Variants in HS6ST3 observed in about 807,000 individuals in gnomAD.
HS6ST3 encodes heparan sulfate 6-O-sulfotransferase 3.
Under a neutral mutation model 36.7 loss-of-function variants are expected in HS6ST3, and 12 were observed. That is an observed-to-expected ratio of 0.33 (90% CI 0.21 to 0.53). The LOEUF (loss-of-function observed/expected upper bound fraction) is 0.53, where lower values mean the gene tolerates loss of function less well. Ranked by LOEUF, HS6ST3 falls within the 20% of genes least tolerant of loss-of-function variation. The probability of loss-of-function intolerance (pLI) is 0.95; values close to 1 mark genes in which losing one functional copy is unlikely to be tolerated. For missense variants in HS6ST3, 584 were observed against 640.9 expected, an observed-to-expected ratio of 0.91 and a Z score of 0.96; for synonymous variants, 240 against 257.5, an observed-to-expected ratio of 0.93 and a Z score of 0.65.
chr13:96,791,708 G>A (rs1213527206), intron 1 of HS6ST3, among the ~76,000 whole-genome samples: 1 of 151,942 alleles, frequency 6.6e-6, no homozygotes, highest in Non-Finnish European at 1.5e-5. Context: ...TCCTTTGTTT[G>A]CCCTTCTCAT....
chr13:96,417,732 TCA>T (rs1211935095), intron 1 of HS6ST3, among the ~76,000 whole-genome samples: 1,532 of 137,268 alleles, frequency 0.011, 23 homozygotes, highest in African/African-American at 0.036. Context: ...ATAGCTTATT[TCA>T]CACACACACA....
rs1389298795 is a variant in HS6ST3 at position 96,091,171 on chromosome 13, AGAG to A, written c.318_320del (p.Glu107del). 6.5e-7 allele frequency: 1 copy of A among 1,547,172 alleles called. No homozygotes were observed. Among genetic ancestry groups the A allele is most frequent in the African/African-American group, 1.4e-5 (1 of 72,844 alleles). On this transcript the variant is annotated inframe_deletion, in exon 1 of 2. Coordinates refer to ENST00000376705, the MANE Select transcript of HS6ST3 (RefSeq NM_153456.4). ...CCGGAGACCCCCGGGAGGGGGAGGAAGAGGAGGAGGAAGACGAGCCGGACCCCG... is the reference window on the plus strand; with the variant it reads ...CCGGAGACCCCCGGGAGGGGGAGGAAGAGGAGGAAGACGAGCCGGACCCCG...
chr13:96,746,005 TA>T (rs917436286), intron 1 of HS6ST3, among the ~76,000 whole-genome samples: 1 of 151,748 alleles, frequency 6.6e-6, no homozygotes, highest in Non-Finnish European at 1.5e-5. Context: ...TGTCTAGTTT[TA>T]AAAAAAAGGA....
chr13:96,262,912 C>G (rs1311812803), intron 1 of HS6ST3, among the ~76,000 whole-genome samples: 2 of 151,866 alleles, frequency 1.3e-5, no homozygotes, highest in African/African-American at 4.8e-5. Flanking sequence ...TGTTTTATAC[C>G]TCAGACGTAT....
At chr13:96,441,711 AAAG>A (rs2055672264) in intron 1 of HS6ST3, among the ~76,000 whole-genome samples, 1 of 152,238 alleles carries the variant, frequency 6.6e-6, no homozygotes, top group South Asian at 2.1e-4. Context: ...ATCAGGGAAT[AAAG>A]AAGAGCTTCT....
chr13:96,235,649 C>G (rs1420760316), intron 1 of HS6ST3, among the ~76,000 whole-genome samples: 6 of 152,074 alleles, frequency 3.9e-5, no homozygotes, highest in East Asian at 1.9e-4. Flanking sequence ...TCTCCTCCCC[C>G]AACCACCATT....
rs1168601992 is a variant in HS6ST3, at chr13:96,494,649, C to T, written c.708-337841C>T. The stretch of plus-strand genomic sequence containing the variant: ...GCTCCAATAGAAAATTTGAAACATC[C>T]TGTTTCAAAACACACACACACACAC... On this transcript the variant is annotated intron_variant, in intron 1 of 1. Coordinates refer to ENST00000376705, the MANE Select transcript of HS6ST3 (RefSeq NM_153456.4). Among the ~76,000 whole-genome samples the T allele has an allele frequency of 2.0e-5, 3 of 151,716 alleles. No homozygotes were observed. The East Asian group carries it at 5.8e-4, about 29-fold the overall frequency.
chr13:96,509,646 T>C (rs950887244), intron 1 of HS6ST3, among the ~76,000 whole-genome samples: 2 of 152,176 alleles, frequency 1.3e-5, no homozygotes, highest in African/African-American at 4.8e-5. Flanking sequence ...CAAAGATCAG[T>C]TGGCTGTGTG....
chr13:96,258,383 C>T (rs2054647969), intron 1 of HS6ST3, among the ~76,000 whole-genome samples: 1 of 151,832 alleles, frequency 6.6e-6, no homozygotes, highest in Admixed American at 6.6e-5. Flanking sequence ...AACAAAAACC[C>T]CAAGAAGTCT....
At chr13:96,323,960 AT>A (rs1284427797) in intron 1 of HS6ST3, among the ~76,000 whole-genome samples, 1 of 152,146 alleles carries the variant, frequency 6.6e-6, no homozygotes, top group Non-Finnish European at 1.5e-5. Context: ...TGGGATTTAA[AT>A]TGGGCTTTCT....
At chr13:96,278,577 G>T (rs2054759792) in intron 1 of HS6ST3, among the ~76,000 whole-genome samples, 1 of 152,164 alleles carries the variant, frequency 6.6e-6, no homozygotes, top group Non-Finnish European at 1.5e-5. Context: ...AAGAACTAGA[G>T]CAGTCTTGCA....
intron 1 of HS6ST3, among the ~76,000 whole-genome samples, chr13:96,765,060 C>CTTTTTTTTTTTTTTTTTTTTTT (rs11423735): frequency 2.1e-5 from 2 of 93,906 alleles, no homozygotes; most frequent in Non-Finnish European, 4.0e-5. Flanking sequence ...TTGTTTCTTT[C>CTTTTTTTTTTTTTTTTTTTTTT]TTTTTTTTTT....
At chr13:96,244,227 A>G (rs1690414324) in intron 1 of HS6ST3, among the ~76,000 whole-genome samples, 2 of 152,204 alleles carry the variant, frequency 1.3e-5, no homozygotes, top group African/African-American at 4.8e-5. Context: ...TACAATATGA[A>G]TTCAATAGTG....
intron 1 of HS6ST3, chr13:96,169,734 C>T (rs1399016476): frequency 6.6e-6 from 1 of 152,490 alleles, no homozygotes. Flanking sequence ...GAAGGGTTGA[C>T]ATGGCCTGGG....
rs1057306587 is a variant in HS6ST3 at position 96,114,826 on chromosome 13, T to C, written c.707+23257T>C. On this transcript the variant is annotated intron_variant, in intron 1 of 1. Coordinates refer to ENST00000376705, the MANE Select transcript of HS6ST3 (RefSeq NM_153456.4). ...GGCCTAGTAAATAGACATTGACTTC[T>C]CATAAATAAGTCTTTGTGTTGGGAG... Among the ~76,000 whole-genome samples, 7 of 152,364 alleles carry C rather than the reference T, an allele frequency of 4.6e-5. No individual in the cohort carries two copies. In the East Asian group the frequency reaches 1.2e-3, roughly 25 times the overall value.
intron 1 of HS6ST3, among the ~76,000 whole-genome samples, chr13:96,122,630 G>A (rs1487577571): frequency 6.6e-6 from 1 of 152,070 alleles, no homozygotes; most frequent in African/African-American, 2.4e-5. Flanking sequence ...AAAATCAAGG[G>A]GGAGAAGATA....
chr13:96,351,102 G>T (rs2055180553), intron 1 of HS6ST3, among the ~76,000 whole-genome samples: 1 of 151,948 alleles, frequency 6.6e-6, no homozygotes, highest in South Asian at 2.1e-4. Flanking sequence ...ATGGTTTAGA[G>T]AAATAATTAA....
intron 1 of HS6ST3, among the ~76,000 whole-genome samples, chr13:96,652,994 C>A (rs1233341206): frequency 1.3e-5 from 2 of 151,960 alleles, no homozygotes; most frequent in Non-Finnish European, 2.9e-5. Flanking sequence ...ACTGTTTGTT[C>A]TCCAAGAAAA....
chr13:96,127,510 C>T (rs1434263561), intron 1 of HS6ST3, among the ~76,000 whole-genome samples: 1 of 152,196 alleles, frequency 6.6e-6, no homozygotes, highest in Non-Finnish European at 1.5e-5. Flanking sequence ...TCACCTCCTG[C>T]TGTGCCACCT....
Sources: allele counts gnomAD v4.1 joint callset (sites outside exome capture counted in the v4.1 genomes callset), GRCh38; gene constraint gnomAD v4.1.1; transcripts MANE v1.5; gene names NCBI Gene and HGNC (gene_info 2026-07-23, HGNC 2026-07-21).